The following YTHDC2 variants were observed in gnomAD, a reference collection of about 807,000 sequenced individuals.
YTHDC2 encodes the protein 3'-5' RNA helicase YTHDC2.
Under a neutral mutation model 174.9 loss-of-function variants are expected in YTHDC2, and 45 were observed. The ratio of observed to expected loss-of-function variants is 0.26; its 90% confidence interval spans 0.20 to 0.33. The LOEUF (loss-of-function observed/expected upper bound fraction) is 0.33, where lower values mean the gene tolerates loss of function less well. Ranked by LOEUF, YTHDC2 falls within the 10% of genes least tolerant of loss-of-function variation. The pLI, the probability that YTHDC2 is intolerant of heterozygous loss-of-function variation, is 1.00. For missense variants in YTHDC2, 1,650 were observed against 1,723.7 expected, an observed-to-expected ratio of 0.96 and a Z score of 0.76; for synonymous variants, 657 against 574.5, an observed-to-expected ratio of 1.14 and a Z score of -2.05.
At position 113,567,761 on chromosome 5, in the gene YTHDC2, T is replaced by C. The variant is rs776080679; in HGVS notation, c.3156T>C (p.Cys1052=). 2.5e-6 allele frequency: 4 copies of C among 1,610,248 alleles called. No homozygotes were observed. The highest frequency in any genetic ancestry group is 3.4e-5 in the Admixed American group (2 of 59,518). The change falls in exon 23 of 30, where the codon TGT becomes TGC. Residue 1052 remains cysteine (C), a synonymous_variant. Coordinates refer to ENST00000161863, the MANE Select transcript of YTHDC2 (RefSeq NM_022828.5). The part of the protein sequence containing the change: ...RAHRIANIRC[C]SAVTPVTILV... Reference sequence around the variant, plus strand: ...ATAGAATAGCTAATATTAGATGTTGTTCAGCAGTGACGCCTGTCACTATAT... The same window carrying C: ...ATAGAATAGCTAATATTAGATGTTGCTCAGCAGTGACGCCTGTCACTATAT...
chr5:113,528,494 T>G (rs1465824969), intron 4 of YTHDC2, among the ~76,000 whole-genome samples: 1 of 152,152 alleles, frequency 6.6e-6, no homozygotes, highest in Non-Finnish European at 1.5e-5. Flanking sequence ...ACTTGAACAT[T>G]GTGGAAAATA....
chr5:113,589,292 G>A (rs1017129223), intron 26 of YTHDC2, among the ~76,000 whole-genome samples: 4 of 149,066 alleles, frequency 2.7e-5, no homozygotes, highest in Non-Finnish European at 5.9e-5. Flanking sequence ...TTGTCTGTAC[G>A]TTCACTGATG....
At chr5:113,524,489 C>A (rs1270966618) in intron 2 of YTHDC2, among the ~76,000 whole-genome samples, 1 of 151,966 alleles carries the variant, frequency 6.6e-6, no homozygotes, top group African/African-American at 2.4e-5. Context: ...CTTTTTTGGT[C>A]CAACCATGAA....
At chr5:113,579,001 G>T (rs980121393) in intron 23 of YTHDC2, among the ~76,000 whole-genome samples, 2 of 151,644 alleles carry the variant, frequency 1.3e-5, no homozygotes, top group Admixed American at 1.3e-4. Flanking sequence ...ACCTAATTTT[G>T]TAGATAGATT....
intron 28 of YTHDC2, 42 bp from the exon 29 acceptor site, chr5:113,593,261 T>C (rs1320915898): frequency 2.0e-6 from 3 of 1,522,680 alleles, no homozygotes; most frequent in Non-Finnish European, 1.8e-6. Context: ...AAATTTTCAC[T>C]CCAGTTCTTT....
In YTHDC2 at chr5:113,553,792, A is replaced by C. The variant is rs1374193051; in HGVS notation, c.1990A>C (p.Asn664His). The C allele has an allele frequency of 6.2e-7, 1 of 1,612,712 alleles. No individual in the cohort carries two copies. The highest frequency in any genetic ancestry group is 8.5e-7 in the Non-Finnish European group (1 of 1,179,418). Residue 664 changes from asparagine (N) to histidine (H), a missense_variant, in exon 15 of 30, where the codon AAT becomes CAT. By Grantham distance (68) the Asn-to-His change is moderately conservative (BLOSUM62 1). Coordinates refer to ENST00000161863, the MANE Select transcript of YTHDC2 (RefSeq NM_022828.5). ...ATACCAAGTCTTTATGCTTCATTCA[A>C]ATATGCAAACATCCGATCAAAAGAA... ...HRYQVFMLHSNMQTSDQKKVL... is the reference protein window; with the variant it reads ...HRYQVFMLHSHMQTSDQKKVL...
chr5:113,575,468 C>A (rs10065790), intron 23 of YTHDC2, among the ~76,000 whole-genome samples: 1 of 152,000 alleles, frequency 6.6e-6, no homozygotes, highest in Non-Finnish European at 1.5e-5. Context: ...AGCCTAGACA[C>A]GTTTTTCTGA....
chr5:113,556,036 G>T lies in YTHDC2; in HGVS notation c.2134-16G>T, dbSNP rs754214554. 10 of 1,466,274 alleles carry T rather than the reference G, an allele frequency of 6.8e-6. No homozygotes were observed. The South Asian group carries it at 1.2e-4, about 17-fold the overall frequency. The allele number at this position is 1,466,274 out of a possible 1,614,324, so 90.8% of individuals were successfully genotyped here. A position where few individuals can be genotyped will look rare whatever the true frequency, so the allele number is the denominator to read the frequency against. On this transcript the variant is annotated splice_polypyrimidine_tract_variant and intron_variant, in intron 16 of 29. Coordinates refer to ENST00000161863, the MANE Select transcript of YTHDC2 (RefSeq NM_022828.5). ...ACCTTTTATATTCTAACATAAAGAT[G>T]GTTTAAATATTACAGAAATCCTTTG...
intron 20 of YTHDC2, 37 bp downstream of exon 20, chr5:113,564,168 T>C (rs771862431): frequency 1.9e-6 from 3 of 1,553,168 alleles, no homozygotes; most frequent in Admixed American, 1.9e-5. Flanking sequence ...AAGACGTTGC[T>C]GGGTAAACAC....
At chr5:113,581,944 ACT>A (rs1778429197) in intron 25 of YTHDC2, 1 of 303,408 alleles carries the variant, frequency 3.3e-6, no homozygotes, top group Admixed American at 5.0e-5. Context: ...TAATAAGGCA[ACT>A]CTTTGTCAGG....
chr5:113,527,479 T>A (rs1458835402), intron 4 of YTHDC2, among the ~76,000 whole-genome samples: 4 of 152,222 alleles, frequency 2.6e-5, no homozygotes, highest in Non-Finnish European at 1.5e-5. Flanking sequence ...AGTTTGCTTT[T>A]AATAGAGGTT....
chr5:113,579,709 AAGT>A lies in YTHDC2; in HGVS notation c.3354+18_3354+20del. The A allele has an allele frequency of 6.3e-7, 1 of 1,588,488 alleles. No homozygotes were observed. The highest frequency in any genetic ancestry group is 8.6e-7 in the Non-Finnish European group (1 of 1,169,224). On this transcript the variant is annotated intron_variant, in intron 24 of 29. Coordinates refer to ENST00000161863, the MANE Select transcript of YTHDC2 (RefSeq NM_022828.5). ...CTGGAGCCAGAGGTAAGTTGCTTTC[AAGT>A]AGTGTAATAAATTTCTTTCATTCAG...
At chr5:113,525,291 A>G in intron 3 of YTHDC2, 114 bp downstream of exon 3, 1 of 922,498 alleles carries the variant, frequency 1.1e-6, no homozygotes, top group Non-Finnish European at 1.6e-6. Flanking sequence ...CAATTGGAAT[A>G]GTTTGTTAGA....
At chr5:113,578,600 T>C (rs955149782) in intron 23 of YTHDC2, among the ~76,000 whole-genome samples, 4 of 152,280 alleles carry the variant, frequency 2.6e-5, no homozygotes, top group African/African-American at 7.2e-5. Context: ...TTAAAACTTA[T>C]ATTTATCTTC....
At chr5:113,515,541 C>T (rs1773359573) in intron 2 of YTHDC2, among the ~76,000 whole-genome samples, 179 bp downstream of exon 2, 1 of 152,164 alleles carries the variant, frequency 6.6e-6, no homozygotes. Context: ...TTCCCTCTGT[C>T]TACCTCTTCC....
intron 5 of YTHDC2, among the ~76,000 whole-genome samples, chr5:113,533,982 C>CAT (rs1554093799): frequency 5.9e-5 from 9 of 151,980 alleles, no homozygotes; most frequent in Non-Finnish European, 1.5e-5. Flanking sequence ...ACAAGTAGTA[C>CAT]TTTTTTTATT....
chr5:113,537,443 TTA>T, intron 7 of YTHDC2, among the ~76,000 whole-genome samples: 1 of 151,674 alleles, frequency 6.6e-6, no homozygotes, highest in African/African-American at 2.4e-5. Context: ...TCATTCTTCA[TTA>T]TATCCCATGC....
chr5:113,590,905 A>G (rs1235488759), intron 26 of YTHDC2, 136 bp from the exon 27 acceptor site: 2 of 716,084 alleles, frequency 2.8e-6, no homozygotes, highest in South Asian at 2.1e-5. Flanking sequence ...GGTTTCAGAC[A>G]TGATAGAGCT....
In YTHDC2 at chr5:113,513,737, T is replaced by C. The variant is rs1367547221; in HGVS notation, c.-159T>C. The C allele has an allele frequency of 1.2e-5, 9 of 741,308 alleles. No individual in the cohort carries two copies. Among genetic ancestry groups the C allele is most frequent in the Non-Finnish European group, 1.9e-5 (9 of 486,186 alleles). The allele number at this position is 741,308 out of a possible 1,614,324, so 45.9% of individuals were successfully genotyped here. On this transcript the variant is annotated 5_prime_UTR_variant, in exon 1 of 30. Coordinates refer to ENST00000161863, the MANE Select transcript of YTHDC2 (RefSeq NM_022828.5). ...ATATCAATGGCGCAGGCTTCACTTC[T>C]GCTGTGGCGGTGACTGAGGCCTTTC...
Sources: allele counts gnomAD v4.1 joint callset (sites outside exome capture counted in the v4.1 genomes callset), GRCh38; gene constraint gnomAD v4.1.1; transcripts MANE v1.5; gene names NCBI Gene and HGNC (gene_info 2026-07-23, HGNC 2026-07-21).